The following SERAC1 variants were observed in gnomAD, a reference collection of about 807,000 sequenced individuals.
SERAC1 encodes the protein protein SERAC1.
In SERAC1, 36 loss-of-function variants were observed where a neutral mutation model predicts 85.7. The observed-to-expected ratio is 0.42, with a 90% CI of 0.32 to 0.55. SERAC1 has a LOEUF of 0.55. Ranked by LOEUF, SERAC1 falls within the 20% of genes least tolerant of loss-of-function variation. SERAC1 has a pLI of 0.11. For synonymous variants in SERAC1, 242 were observed against 265.3 expected, an observed-to-expected ratio of 0.91 and a Z score of 0.85; for missense variants, 629 against 796.2, an observed-to-expected ratio of 0.79 and a Z score of 2.53.
chr6:158,147,768 C>CA (rs71027383), intron 5 of SERAC1, among the ~76,000 whole-genome samples: 735 of 68,864 alleles, frequency 0.011, 84 homozygotes, highest in Non-Finnish European at 0.014. Context: ...GGCTCTGTCT[C>CA]AAAAAAAAAA....
chr6:158,129,635 T>A (rs553997965), intron 9 of SERAC1, among the ~76,000 whole-genome samples: 62 of 152,290 alleles, frequency 4.1e-4, no homozygotes, highest in African/African-American at 1.3e-3. Context: ...TAACAATCAT[T>A]GATATATGCT....
chr6:158,152,843 G>A (rs746838671), intron 3 of SERAC1: 4 of 152,170 alleles, frequency 2.6e-5, no homozygotes, highest in Non-Finnish European at 5.9e-5. Context: ...AGTAGGCTCT[G>A]CCACCCAGGT....
intron 7 of SERAC1, among the ~76,000 whole-genome samples, chr6:158,143,791 T>C (rs1219379692): frequency 6.6e-6 from 1 of 152,168 alleles, no homozygotes; most frequent in Non-Finnish European, 1.5e-5. Flanking sequence ...TTTAAATCTA[T>C]GGCAGTGTTT....
intron 1 of SERAC1, among the ~76,000 whole-genome samples, chr6:158,167,902 A>G (rs1440909167): frequency 3.3e-5 from 5 of 151,992 alleles, no homozygotes; most frequent in Non-Finnish European, 5.9e-5. Flanking sequence ...GCACTCCCCA[A>G]GGCCTCGACA....
chr6:158,149,140 C>A (rs1181585099), intron 4 of SERAC1, among the ~76,000 whole-genome samples, 186 bp from the exon 5 acceptor site: 2 of 152,118 alleles, frequency 1.3e-5, no homozygotes, highest in Non-Finnish European at 2.9e-5. Context: ...TACAGGCCCT[C>A]GCCACCACGC....
intron 14 of SERAC1, 22 bp downstream of exon 14, chr6:158,116,163 A>T: frequency 2.5e-6 from 4 of 1,597,854 alleles, no homozygotes; most frequent in Non-Finnish European, 3.4e-6. Flanking sequence ...TGGCCACTTC[A>T]CAAAGTTGAA....
chr6:158,127,406 C>T (rs1228646777), intron 10 of SERAC1, among the ~76,000 whole-genome samples: 3 of 48,494 alleles, frequency 6.2e-5, no homozygotes, highest in African/African-American at 2.2e-4. Context: ...CCAGCCGCCC[C>T]GTCCGGGAGG....
chr6:158,156,837 T>C (rs1785350304), intron 2 of SERAC1, among the ~76,000 whole-genome samples: 1 of 138,804 alleles, frequency 7.2e-6, no homozygotes, highest in Admixed American at 7.9e-5. Context: ...ATATATTATA[T>C]AAATATATTT....
intron 8 of SERAC1, 80 bp downstream of exon 8, chr6:158,142,976 G>T: frequency 1.7e-6 from 2 of 1,151,492 alleles, no homozygotes; most frequent in Non-Finnish European, 1.3e-6. Flanking sequence ...TCAGTTACTG[G>T]GTGAATGCCA....
At chr6:158,137,457 G>A (rs1161548978) in intron 8 of SERAC1, among the ~76,000 whole-genome samples, 1 of 152,050 alleles carries the variant, frequency 6.6e-6, no homozygotes, top group African/African-American at 2.4e-5. Flanking sequence ...TTAAAGGATG[G>A]ATATATGTGT....
chr6:158,155,137 G>A (rs891793657), intron 3 of SERAC1, among the ~76,000 whole-genome samples, 178 bp downstream of exon 3: 12 of 152,218 alleles, frequency 7.9e-5, no homozygotes, highest in Non-Finnish European at 1.8e-4. Context: ...GCACTCCTCA[G>A]AAAGTAAGGA....
chr6:158,131,816 A>C (rs1489779065), intron 8 of SERAC1, among the ~76,000 whole-genome samples: 2 of 152,346 alleles, frequency 1.3e-5, no homozygotes, highest in Non-Finnish European at 1.5e-5. Context: ...ATAAAGACTG[A>C]AAACCAGCTA....
intron 5 of SERAC1, among the ~76,000 whole-genome samples, chr6:158,148,183 AAGG>A (rs1187675923): frequency 1.3e-5 from 2 of 152,244 alleles, no homozygotes; most frequent in Non-Finnish European, 2.9e-5. Context: ...CCAACTTTTT[AAGG>A]AGATCAGATA....
chr6:158,165,509 T>C (rs1201438003), intron 1 of SERAC1, among the ~76,000 whole-genome samples: 2 of 152,172 alleles, frequency 1.3e-5, no homozygotes, highest in African/African-American at 4.8e-5. Context: ...CTACGATCTT[T>C]CCTGACCTAT....
intron 14 of SERAC1, among the ~76,000 whole-genome samples, chr6:158,115,395 A>G (rs1165168283): frequency 6.6e-6 from 1 of 152,218 alleles, no homozygotes; most frequent in Non-Finnish European, 1.5e-5. Context: ...TGGAGAACAC[A>G]GCTTTCATGG....
rs535378776 is a variant in SERAC1 at position 158,138,693 on chromosome 6, A to C, written c.738+4363T>G. On this transcript the variant is annotated intron_variant, in intron 8 of 16. Coordinates refer to ENST00000647468, the MANE Select transcript of SERAC1 (RefSeq NM_032861.4). ...AAATAGCCTGGTCCCAACCAAGCTGAAACTATCAGATGTTAGACAAGGCCT... is the reference window on the plus strand; with the variant it reads ...AAATAGCCTGGTCCCAACCAAGCTGCAACTATCAGATGTTAGACAAGGCCT... 3.7e-4 allele frequency among the ~76,000 whole-genome samples: 56 copies of C among 152,248 alleles called. 1 individual carries two copies. The South Asian group carries it at 7.1e-3, about 19-fold the overall frequency.
At position 158,156,737 on chromosome 6, in the gene SERAC1, A is replaced by G. The variant is rs186093983; in HGVS notation, c.92-1386T>C. Among the ~76,000 whole-genome samples, 22 of 142,154 alleles carry G rather than the reference A, an allele frequency of 1.5e-4. No individual in the cohort carries two copies. The East Asian group carries it at 4.1e-3, about 27-fold the overall frequency. The allele number at this position is 142,154 out of a possible 152,430, so 93.3% of individuals were successfully genotyped here. ...CCCACAAAAATCTTTATATATATAT[A>G]AATATATTATTTTTATATATAAATA... is the stretch of plus-strand genomic sequence containing the variant. On this transcript the variant is annotated intron_variant, in intron 2 of 16. Transcript: ENST00000647468.
At chr6:158,137,144 G>A (rs1368259067) in intron 8 of SERAC1, among the ~76,000 whole-genome samples, 7 of 150,328 alleles carry the variant, frequency 4.7e-5, no homozygotes, top group Non-Finnish European at 8.9e-5. Context: ...GCAACACAGC[G>A]AGGCTGTGCC....
intron 10 of SERAC1, among the ~76,000 whole-genome samples, chr6:158,124,822 A>G (rs1178474314): frequency 2.0e-5 from 3 of 151,560 alleles, no homozygotes; most frequent in Non-Finnish European, 4.4e-5. Flanking sequence ...TTATCCAGGG[A>G]AGATACCTTT....
Sources: gnomAD v4.1 joint callset for allele counts (sites outside exome capture counted in the v4.1 genomes callset) on GRCh38, gnomAD v4.1.1 for gene constraint, MANE v1.5 for transcripts, NCBI Gene and HGNC (gene_info 2026-07-23, HGNC 2026-07-21) for gene names.